ATP13A4: variants seen among roughly 807,000 people sequenced by gnomAD.
The protein encoded by ATP13A4 is probable cation-transporting ATPase 13A4.
Under a neutral mutation model 142.5 loss-of-function variants are expected in ATP13A4, and 114 were observed. That is an observed-to-expected ratio of 0.80 (90% CI 0.69 to 0.93). The LOEUF is 0.93. Among genes scored for constraint, ATP13A4 ranks in the 40% least tolerant of loss-of-function variants. The pLI, the probability that ATP13A4 is intolerant of heterozygous loss-of-function variation, is 0.00. For missense variants in ATP13A4, 1,392 were observed against 1,454.0 expected (o/e 0.96, Z 0.69); for synonymous variants, 488 against 514.8 (o/e 0.95, Z 0.70).
chr3:193,494,889 CAAAT>C (rs531344537), intron 3 of ATP13A4, among the ~76,000 whole-genome samples: 230 of 151,550 alleles, frequency 1.5e-3, no homozygotes, highest in African/African-American at 5.4e-3. Context: ...AGGGTAGACT[CAAAT>C]AAAGTCAGAA....
chr3:193,528,252 T>G (rs1722119817), intron 1 of ATP13A4, among the ~76,000 whole-genome samples: 1 of 152,232 alleles, frequency 6.6e-6, no homozygotes, highest in Admixed American at 6.5e-5. Flanking sequence ...ACCCTGTGAC[T>G]CTGGCTACTG....
chr3:193,456,116 C>G (rs965588400), intron 16 of ATP13A4, among the ~76,000 whole-genome samples: 7 of 151,992 alleles, frequency 4.6e-5, no homozygotes, highest in Admixed American at 4.6e-4. Context: ...CAAGAAACCC[C>G]CATGACACAA....
upstream of ATP13A4, among the ~76,000 whole-genome samples, chr3:193,557,947 C>T (rs1723937667): frequency 6.6e-6 from 1 of 152,218 alleles, no homozygotes; most frequent in Admixed American, 6.5e-5. Context: ...ATCAGCCTCA[C>T]TGCAGCATGG....
intron 1 of ATP13A4, among the ~76,000 whole-genome samples, chr3:193,542,509 C>A (rs1464922024): frequency 6.6e-6 from 1 of 151,846 alleles, no homozygotes; most frequent in Non-Finnish European, 1.5e-5. Flanking sequence ...AAAAAAGAGT[C>A]CCCATAGCCA....
chr3:193,406,897 T>C (rs1209411873), intron 29 of ATP13A4, among the ~76,000 whole-genome samples: 1 of 152,190 alleles, frequency 6.6e-6, no homozygotes, highest in Non-Finnish European at 1.5e-5. Context: ...AGGATTTCTT[T>C]AGCGATGATG....
intron 2 of ATP13A4, among the ~76,000 whole-genome samples, chr3:193,580,921 G>A (rs934487233): frequency 6.6e-6 from 1 of 152,154 alleles, no homozygotes; most frequent in Admixed American, 6.5e-5. Flanking sequence ...TGGTGTATGG[G>A]TAATCGTTTA....
intron 2 of ATP13A4, among the ~76,000 whole-genome samples, chr3:193,581,378 A>G (rs1377810001): frequency 1.3e-5 from 2 of 152,210 alleles, no homozygotes; most frequent in African/African-American, 2.4e-5. Context: ...GCTGATTTCT[A>G]TGGTGGAAAT....
chr3:193,480,954 A>G (rs1280417767), intron 8 of ATP13A4, among the ~76,000 whole-genome samples: 1 of 152,246 alleles, frequency 6.6e-6, no homozygotes, highest in African/African-American at 2.4e-5. Flanking sequence ...GACATAAAAA[A>G]TGAAATAATG....
At position 193,560,121 on chromosome 3, in the gene ATP13A4, G is replaced by A. The variant is rs1339617566; in HGVS notation, n.291+21586C>T. Among the ~76,000 whole-genome samples, 11 of 152,216 alleles carry A rather than the reference G, an allele frequency of 7.2e-5. No individual in the cohort carries two copies. The East Asian group carries it at 1.5e-3, about 21-fold the overall frequency. On this transcript the variant is annotated intron_variant and non_coding_transcript_variant, in intron 2 of 3. Transcript: ENST00000489140. ...GTGAGAAAAAAGTTACTGGATGACT[G>A]TGTAACGATTTGTCCAAGATCACAA... is the stretch of plus-strand genomic sequence containing the variant.
intron 2 of ATP13A4, among the ~76,000 whole-genome samples, chr3:193,506,080 T>C (rs1173451853): frequency 2.6e-5 from 4 of 152,216 alleles, no homozygotes; most frequent in Non-Finnish European, 5.9e-5. Context: ...TTCTGAGTTC[T>C]TTCTGTAAGT....
chr3:193,589,959 CAAAAAAAAAA>C (rs35624117), intron 1 of ATP13A4, among the ~76,000 whole-genome samples: 2 of 83,916 alleles, frequency 2.4e-5, no homozygotes, highest in African/African-American at 4.6e-5. Context: ...GTTCTTTTGC[CAAAAAAAAAA>C]AAAAAAAAAG....
intron 1 of ATP13A4, among the ~76,000 whole-genome samples, chr3:193,521,202 G>C (rs186850132): frequency 6.6e-6 from 1 of 152,304 alleles, no homozygotes; most frequent in Non-Finnish European, 1.5e-5. Context: ...GCTGACAGAA[G>C]AGATGATGAG....
At chr3:193,558,012 G>A (rs1473755198), upstream of ATP13A4, among the ~76,000 whole-genome samples, 2 of 152,322 alleles carry the variant, frequency 1.3e-5, no homozygotes, top group Admixed American at 6.5e-5. Flanking sequence ...ATGGACCAAC[G>A]CCATGCATGG....
At chr3:193,450,288 A>G (rs1717202939) in intron 17 of ATP13A4, among the ~76,000 whole-genome samples, 1 of 152,140 alleles carries the variant, frequency 6.6e-6, no homozygotes, top group Non-Finnish European at 1.5e-5. Flanking sequence ...TGTGCTCAAC[A>G]CCACTCATGC....
At chr3:193,490,200 C>G (rs573494686) in intron 6 of ATP13A4, among the ~76,000 whole-genome samples, 1 of 152,116 alleles carries the variant, frequency 6.6e-6, no homozygotes, top group East Asian at 1.9e-4. Context: ...CAATCTGACC[C>G]CAGAGCACTT....
chr3:193,587,743 T>C lies in ATP13A4; in HGVS notation n.91+5278A>G, dbSNP rs530844874. On this transcript the variant is annotated intron_variant and non_coding_transcript_variant, in intron 1 of 3. Transcript: ENST00000489140. ...AAATGTTATGCCTTACATTTCTTGT[T>C]CTTGCATTATTGCACTGAATGTAAT... Among the ~76,000 whole-genome samples the C allele has an allele frequency of 3.9e-5, 6 of 152,346 alleles. No homozygotes were observed. In the South Asian group the frequency reaches 1.2e-3, roughly 32 times the overall value.
chr3:193,584,398 T>A (rs1265134612), intron 1 of ATP13A4, among the ~76,000 whole-genome samples: 1 of 152,198 alleles, frequency 6.6e-6, no homozygotes. Context: ...AGAGACCCAT[T>A]TCTTATTTCT....
intron 29 of ATP13A4, 88 bp from the exon 30 acceptor site, chr3:193,402,952 C>A: frequency 8.5e-7 from 1 of 1,174,494 alleles, no homozygotes; most frequent in Non-Finnish European, 1.2e-6. Context: ...GTCACTACTG[C>A]AATGGTTGCT....
At chr3:193,491,781 T>G (rs1719959310) in intron 5 of ATP13A4, among the ~76,000 whole-genome samples, 1 of 152,190 alleles carries the variant, frequency 6.6e-6, no homozygotes, top group Non-Finnish European at 1.5e-5. Flanking sequence ...GAGAAATTAC[T>G]TTTATTGATA....
Sources: allele counts gnomAD v4.1 joint callset (sites outside exome capture counted in the v4.1 genomes callset), GRCh38; gene constraint gnomAD v4.1.1; transcripts MANE v1.5; gene names NCBI Gene and HGNC (gene_info 2026-07-23, HGNC 2026-07-21).